The following GSK3B variants were observed in gnomAD, a reference collection of about 807,000 sequenced individuals.
GSK3B encodes glycogen synthase kinase-3 beta.
A neutral mutation model predicts 56.4 loss-of-function variants in GSK3B; 15 were observed. The observed-to-expected ratio is 0.27, with a 90% CI of 0.18 to 0.41. The LOEUF (loss-of-function observed/expected upper bound fraction) is 0.41, where lower values mean the gene tolerates loss of function less well. Among genes scored for constraint, GSK3B ranks in the 10% least tolerant of loss-of-function variants. GSK3B has a pLI of 1.00. For missense variants in GSK3B, 300 were observed against 513.4 expected, an observed-to-expected ratio of 0.58 and a Z score of 4.02; for synonymous variants, 181 against 188.9, an observed-to-expected ratio of 0.96 and a Z score of 0.34.
chr3:120,026,033 T>C (rs2057920090), intron 1 of GSK3B, among the ~76,000 whole-genome samples: 1 of 152,206 alleles, frequency 6.6e-6, no homozygotes, highest in African/African-American at 2.4e-5. Flanking sequence ...GTTTTATAGC[T>C]TACTTTTCTC....
Position 119,826,416 on chromosome 3 carries a change from A to C in GSK3B, c.*372T>G. ...GTTCAAAAAAACCCATCAGCACAGAAAAAGGTTTTCTTCTTTTGTGGAAGG... is the reference window on the plus strand; with the variant it reads ...GTTCAAAAAAACCCATCAGCACAGACAAAGGTTTTCTTCTTTTGTGGAAGG... On this transcript the variant is annotated 3_prime_UTR_variant, in exon 11 of 11. Transcript: ENST00000264235. The C allele has an allele frequency of 2.3e-6, 1 of 433,832 alleles. No individual in the cohort carries two copies. The highest frequency in any genetic ancestry group is 2.3e-5 in the South Asian group (1 of 43,286). The allele number at this position is 433,832 out of a possible 1,614,324, so 26.9% of individuals were successfully genotyped here.
At chr3:119,908,816 C>T (rs926894403) in intron 6 of GSK3B, among the ~76,000 whole-genome samples, 10 of 152,320 alleles carry the variant, frequency 6.6e-5, no homozygotes, top group Middle Eastern at 3.4e-3. Context: ...ACTGGGTTAA[C>T]ATTTGTACTG....
intron 1 of GSK3B, among the ~76,000 whole-genome samples, chr3:120,076,651 TA>T (rs1256826574): frequency 6.6e-6 from 1 of 151,148 alleles, no homozygotes; most frequent in East Asian, 1.9e-4. Flanking sequence ...CCGTCTCTAC[TA>T]AAAATACAAA....
chr3:119,910,680 C>G (rs1415742493), intron 6 of GSK3B, among the ~76,000 whole-genome samples: 1 of 152,126 alleles, frequency 6.6e-6, no homozygotes, highest in African/African-American at 2.4e-5. Context: ...AGATTTTTCT[C>G]TAGTAGGAGA....
chr3:119,971,863 G>A (rs538669079), intron 2 of GSK3B, among the ~76,000 whole-genome samples: 3 of 151,642 alleles, frequency 2.0e-5, no homozygotes, highest in Middle Eastern at 3.4e-3. Context: ...CGCCCGCCTC[G>A]GCCTCCCAAA....
At chr3:120,013,101 A>G (rs968965343) in intron 1 of GSK3B, among the ~76,000 whole-genome samples, 7 of 152,178 alleles carry the variant, frequency 4.6e-5, no homozygotes, top group African/African-American at 1.7e-4. Flanking sequence ...AACATTTTGT[A>G]GTCATATTTT....
chr3:119,870,654 G>C (rs2056239249), intron 8 of GSK3B, among the ~76,000 whole-genome samples: 1 of 152,320 alleles, frequency 6.6e-6, no homozygotes, highest in South Asian at 2.1e-4. Flanking sequence ...TAGGAAAGTG[G>C]CTTTAGAAAG....
chr3:119,989,658 A>C (rs1385933382), intron 2 of GSK3B, among the ~76,000 whole-genome samples: 4 of 151,968 alleles, frequency 2.6e-5, no homozygotes, highest in Admixed American at 2.6e-4. Flanking sequence ...AAAAAAAAAA[A>C]AGGAAATAAA....
At chr3:119,946,333 T>G (rs2057099438) in intron 3 of GSK3B, among the ~76,000 whole-genome samples, 1 of 151,968 alleles carries the variant, frequency 6.6e-6, no homozygotes, top group African/African-American at 2.4e-5. Flanking sequence ...CAATATTTGC[T>G]GTAAAAAAAA....
At chr3:119,830,776 GT>G (rs1230344941) in intron 10 of GSK3B, among the ~76,000 whole-genome samples, 1 of 152,174 alleles carries the variant, frequency 6.6e-6, no homozygotes, top group Non-Finnish European at 1.5e-5. Flanking sequence ...TAATAGCTGT[GT>G]GATTTTGGAA....
At chr3:120,026,038 T>C (rs1025666036) in intron 1 of GSK3B, among the ~76,000 whole-genome samples, 2 of 152,188 alleles carry the variant, frequency 1.3e-5, no homozygotes, top group African/African-American at 4.8e-5. Context: ...ATAGCTTACT[T>C]TTCTCCTTCC....
chr3:120,090,656 C>G (rs909161448), intron 1 of GSK3B, among the ~76,000 whole-genome samples: 2 of 152,086 alleles, frequency 1.3e-5, no homozygotes, highest in Non-Finnish European at 2.9e-5. Context: ...TCACATTTTA[C>G]TTTATTCCCT....
chr3:120,007,038 C>T (rs2057735538), intron 1 of GSK3B, among the ~76,000 whole-genome samples: 1 of 151,146 alleles, frequency 6.6e-6, no homozygotes, highest in Non-Finnish European at 1.5e-5. Flanking sequence ...AAAGAAGAAA[C>T]GAGAGAAGAA....
chr3:119,931,728 C>A (rs2056947733), intron 3 of GSK3B, among the ~76,000 whole-genome samples: 1 of 152,126 alleles, frequency 6.6e-6, no homozygotes, highest in African/African-American at 2.4e-5. Flanking sequence ...AGTCTGCTAA[C>A]CTCAAATAAC....
In GSK3B at chr3:120,029,647, T is replaced by C. The variant is rs542526502; in HGVS notation, c.89-27408A>G. ...ATTTCCCTTCAGATGTTCACATTCA[T>C]AGCAGAGAATGCCCTAAAAGCCATT... is the stretch of plus-strand genomic sequence containing the variant. On this transcript the variant is annotated intron_variant, in intron 1 of 10. Transcript: ENST00000264235. The C allele has an allele frequency of 3.3e-4, 176 of 540,414 alleles. 2 individuals carry two copies. The highest frequency in any genetic ancestry group is 3.2e-3 in the African/African-American group (166 of 52,384). The allele number at this position is 540,414 out of a possible 1,614,324, so 33.5% of individuals were successfully genotyped here.
At chr3:120,091,327 T>C (rs993798750) in intron 1 of GSK3B, among the ~76,000 whole-genome samples, 1 of 152,168 alleles carries the variant, frequency 6.6e-6, no homozygotes, top group African/African-American at 2.4e-5. Flanking sequence ...GTCAAAGCTG[T>C]CAAAAACACA....
intron 8 of GSK3B, among the ~76,000 whole-genome samples, chr3:119,867,670 G>A (rs770025666): frequency 5.3e-5 from 8 of 152,112 alleles, no homozygotes; most frequent in Non-Finnish European, 7.4e-5. Flanking sequence ...AGGTAGCAGG[G>A]TCTATTATGT....
chr3:120,072,779 AAAC>A (rs2058337085), intron 1 of GSK3B, among the ~76,000 whole-genome samples: 1 of 152,208 alleles, frequency 6.6e-6, no homozygotes, highest in Non-Finnish European at 1.5e-5. Context: ...GAATAATATA[AAAC>A]AACAACAAAA....
At position 120,031,683 on chromosome 3, in the gene GSK3B, T is replaced by C. The variant is rs918287735; in HGVS notation, c.89-29444A>G. Among the ~76,000 whole-genome samples the C allele has an allele frequency of 1.2e-4, 18 of 152,216 alleles. 1 individual carries two copies. Among genetic ancestry groups the C allele is most frequent in the Admixed American group, 5.9e-4 (9 of 15,278 alleles). ...CAATCCCACAATGCAGTTATCACCA[T>C]CCTCTGTTTCACAGGGAATATTTAA... On this transcript the variant is annotated intron_variant, in intron 1 of 10. Transcript: ENST00000264235.
Sources: gnomAD v4.1 joint callset for allele counts (sites outside exome capture counted in the v4.1 genomes callset) on GRCh38, gnomAD v4.1.1 for gene constraint, MANE v1.5 for transcripts, NCBI Gene and HGNC (gene_info 2026-07-23, HGNC 2026-07-21) for gene names.